The following PCSK6 variants were observed in gnomAD, a reference collection of about 807,000 sequenced individuals.
PCSK6 encodes paired basic amino acid cleaving enzyme 4.
Under a neutral mutation model 123.3 loss-of-function variants are expected in PCSK6, and 85 were observed. The ratio of observed to expected loss-of-function variants is 0.69; its 90% CI spans 0.58 to 0.83. PCSK6 has a LOEUF of 0.83. Among genes scored for constraint, PCSK6 ranks in the 40% least tolerant of loss-of-function variants. PCSK6 has a pLI of 0.00. For synonymous variants in PCSK6, 508 were observed against 516.0 expected (o/e 0.98, Z 0.21); for missense variants, 1,191 against 1,282.3 (o/e 0.93, Z 1.09).
chr15:101,445,009 C>T (rs1354042680), intron 1 of PCSK6, among the ~76,000 whole-genome samples: 1 of 152,196 alleles, frequency 6.6e-6, no homozygotes, highest in Non-Finnish European at 1.5e-5. Context: ...TAGGAGACAC[C>T]ACTTTGTCCT....
intron 2 of PCSK6, among the ~76,000 whole-genome samples, chr15:101,440,431 C>A (rs75251707): frequency 2.3e-4 from 35 of 152,212 alleles, no homozygotes; most frequent in Non-Finnish European, 4.6e-4. Context: ...CTGACACCCC[C>A]TTGAGTTTTG....
chr15:101,386,361 G>A (rs763325194), intron 9 of PCSK6, among the ~76,000 whole-genome samples: 20 of 152,108 alleles, frequency 1.3e-4, no homozygotes, highest in Non-Finnish European at 2.5e-4. Context: ...GTGCGAAGAC[G>A]TACAGAACAC....
chr15:101,454,867 C>T (rs1270677180), intron 1 of PCSK6, among the ~76,000 whole-genome samples: 1 of 152,024 alleles, frequency 6.6e-6, no homozygotes, highest in Non-Finnish European at 1.5e-5. Flanking sequence ...ATCGCTTGAA[C>T]CCAGGAGGCG....
chr15:101,347,758 C>G (rs371818816), intron 13 of PCSK6: 78 of 1,613,710 alleles, frequency 4.8e-5, no homozygotes, highest in Non-Finnish European at 4.5e-5. Context: ...CACCGGAACA[C>G]GTGTTTTAGT....
chr15:101,400,983 C>T (rs577508605), intron 6 of PCSK6, among the ~76,000 whole-genome samples: 63 of 152,246 alleles, frequency 4.1e-4, no homozygotes, highest in Admixed American at 1.8e-3. Flanking sequence ...CAAGAGTCAC[C>T]AAAGGCAGTT....
Position 101,384,423 on chromosome 15 carries a change from C to T in PCSK6, c.1313G>A (p.Ser438Asn). 2 of 1,613,096 alleles carry T rather than the reference C, an allele frequency of 1.2e-6. No individual in the cohort carries two copies. The highest frequency in any genetic ancestry group is 8.5e-7 in the Non-Finnish European group (1 of 1,179,342). The change falls in exon 10 of 22, where the codon AGC becomes AAC. Residue 438 changes from serine to asparagine, a missense_variant and splice_region_variant. Coordinates refer to ENST00000611716, the MANE Select transcript of PCSK6 (RefSeq NM_002570.5). ...GIIALALEANSQLTWRDVQHL... is the reference protein window; with the variant it reads ...GIIALALEANNQLTWRDVQHL... ...CTGGACGTCCCTCCAGGTTAACTGGCTGCTGCAATGACACAACACACCCTA... is the reference window on the plus strand; with the variant it reads ...CTGGACGTCCCTCCAGGTTAACTGGTTGCTGCAATGACACAACACACCCTA...
chr15:101,439,232 T>G (rs2056690562), intron 2 of PCSK6, among the ~76,000 whole-genome samples: 2 of 152,202 alleles, frequency 1.3e-5, no homozygotes, highest in African/African-American at 4.8e-5. Flanking sequence ...GATGAGCGCT[T>G]CCCTCTGAGA....
intron 6 of PCSK6, among the ~76,000 whole-genome samples, chr15:101,400,454 A>G (rs2042554923): frequency 6.6e-6 from 1 of 152,214 alleles, no homozygotes; most frequent in African/African-American, 2.4e-5. Flanking sequence ...ATCTACATCA[A>G]CACGTAGTGC....
rs774771374 is a variant in PCSK6 at position 101,324,884 on chromosome 15, C to G, written c.2343G>C (p.Val781=). Residue 781 remains valine (V), a synonymous_variant, in exon 17 of 22, where the codon GTG becomes GTC. Transcript: ENST00000611716. ...FYHHQEMNTC[V]TLCPAGFYAD... The stretch of plus-strand genomic sequence containing the variant: ...CATAAAATCCTGCAGGACAGAGGGT[C>G]ACACAGGTGTTCATCTCCTGGTGGT... The G allele has an allele frequency of 8.1e-6, 13 of 1,613,504 alleles. No individual in the cohort carries two copies. Among genetic ancestry groups the G allele is most frequent in the Non-Finnish European group, 8.5e-7 (1 of 1,179,884 alleles).
intron 6 of PCSK6, among the ~76,000 whole-genome samples, chr15:101,400,415 G>A (rs1472557167): frequency 1.3e-5 from 2 of 152,214 alleles, no homozygotes; most frequent in African/African-American, 2.4e-5. Flanking sequence ...ACCCATACTA[G>A]TCTGCGCCTG....
intron 1 of PCSK6, among the ~76,000 whole-genome samples, chr15:101,465,737 C>T (rs188774426): frequency 4.6e-5 from 7 of 152,212 alleles, no homozygotes; most frequent in South Asian, 4.2e-4. Context: ...CACGTGATGC[C>T]GCACGGTATT....
At chr15:101,369,617 G>A (rs1305123097) in intron 12 of PCSK6, among the ~76,000 whole-genome samples, 1 of 152,238 alleles carries the variant, frequency 6.6e-6, no homozygotes, top group Non-Finnish European at 1.5e-5. Context: ...AGAGACAGAA[G>A]GTACCAGAAT....
chr15:101,394,344 G>A (rs1255857569), intron 7 of PCSK6, among the ~76,000 whole-genome samples: 2 of 152,130 alleles, frequency 1.3e-5, no homozygotes, highest in Non-Finnish European at 2.9e-5. Context: ...GCCAGTCAGG[G>A]CAGATTCCTG....
At chr15:101,439,009 T>A (rs551813798) in intron 2 of PCSK6, among the ~76,000 whole-genome samples, 2 of 152,306 alleles carry the variant, frequency 1.3e-5, no homozygotes, top group East Asian at 3.9e-4. Flanking sequence ...GGTGGCCGTA[T>A]TTCAGAGGAT....
At chr15:101,366,738 G>A (rs534476664) in intron 12 of PCSK6, among the ~76,000 whole-genome samples, 31 of 152,358 alleles carry the variant, frequency 2.0e-4, no homozygotes, top group Admixed American at 5.2e-4. Context: ...CCGGATGCAC[G>A]AAAGCAGACA....
At chr15:101,385,192 A>G (rs1004860159) in intron 9 of PCSK6, among the ~76,000 whole-genome samples, 5 of 151,318 alleles carry the variant, frequency 3.3e-5, no homozygotes, top group African/African-American at 1.2e-4. Context: ...AATTTTTTAC[A>G]TTTTTTGTAG....
rs146950869 is a variant in PCSK6, at chr15:101,471,970, T to C, written c.297+17404A>G. On this transcript the variant is annotated intron_variant, in intron 1 of 21. Transcript: ENST00000611716. ...GCTGAATAAAAGAGTGCTCACTGAA[T>C]GAATGTATCACATTTGTTTTTCCAT... Among the ~76,000 whole-genome samples the C allele has an allele frequency of 9.9e-4, 150 of 152,276 alleles. 1 individual carries two copies. The highest frequency in any genetic ancestry group is 4.2e-3 in the East Asian group (22 of 5,190).
intron 7 of PCSK6, among the ~76,000 whole-genome samples, chr15:101,395,004 G>A (rs1040937515): frequency 2.6e-5 from 4 of 152,220 alleles, no homozygotes; most frequent in Non-Finnish European, 5.9e-5. Context: ...GTGTGTGTGT[G>A]CACGTGATTA....
intron 13 of PCSK6, among the ~76,000 whole-genome samples, chr15:101,339,150 A>G (rs1360010412): frequency 6.6e-6 from 1 of 152,216 alleles, no homozygotes; most frequent in Non-Finnish European, 1.5e-5. Flanking sequence ...AGACAAAGCA[A>G]GTAGGGGTGG....
Sources: gnomAD v4.1 joint callset for allele counts (sites outside exome capture counted in the v4.1 genomes callset) on GRCh38, gnomAD v4.1.1 for gene constraint, MANE v1.5 for transcripts, NCBI Gene and HGNC (gene_info 2026-07-23, HGNC 2026-07-21) for gene names.